The following PCDHA2 variants were observed in gnomAD, a reference collection of about 807,000 sequenced individuals.
PCDHA2 encodes the protein protocadherin alpha-2.
PCDHA2 carries 58 observed loss-of-function variants against 66.0 expected under a neutral mutation model. The ratio of observed to expected loss-of-function variants is 0.88; its 90% confidence interval spans 0.71 to 1.09. The LOEUF (loss-of-function observed/expected upper bound fraction) is 1.09, where lower values mean the gene tolerates loss of function less well. Ranked by LOEUF, PCDHA2 falls within the 50% of genes least tolerant of loss-of-function variation. The pLI, the probability that PCDHA2 is intolerant of heterozygous loss-of-function variation, is 0.00. For synonymous variants in PCDHA2, 634 were observed against 554.0 expected, an observed-to-expected ratio of 1.14 and a Z score of -2.03; for missense variants, 1,267 against 1,242.3, an observed-to-expected ratio of 1.02 and a Z score of -0.30.
intron 1 of PCDHA2, chr5:140,851,460 T>A (rs1270613439): frequency 1.0e-5 from 9 of 901,620 alleles, no homozygotes; most frequent in Non-Finnish European, 1.2e-5. Flanking sequence ...GGAATCAAAT[T>A]ATGTCAATAA....
chr5:140,914,801 A>G (rs976508278), intron 1 of PCDHA2, among the ~76,000 whole-genome samples: 2 of 152,164 alleles, frequency 1.3e-5, no homozygotes, highest in African/African-American at 4.8e-5. Context: ...TTTTAAACTG[A>G]TGGCAACTTA....
At chr5:140,959,712 T>G (rs166567) in intron 1 of PCDHA2, among the ~76,000 whole-genome samples, 1 of 152,020 alleles carries the variant, frequency 6.6e-6, no homozygotes, top group African/African-American at 2.4e-5. Flanking sequence ...AAAGGGAAAA[T>G]TTTTAGATAA....
At chr5:140,992,533 C>T (rs1292844643) in intron 3 of PCDHA2, among the ~76,000 whole-genome samples, 1 of 152,188 alleles carries the variant, frequency 6.6e-6, no homozygotes, top group Non-Finnish European at 1.5e-5. Context: ...GGAAAAGTCA[C>T]TGTCACAAGT....
At chr5:140,882,749 G>C (rs1393099675) in intron 1 of PCDHA2, 1 of 1,614,126 alleles carries the variant, frequency 6.2e-7, no homozygotes, top group Non-Finnish European at 8.5e-7. Flanking sequence ...ATCCGATGCA[G>C]ATATTGGAGT....
intron 3 of PCDHA2, among the ~76,000 whole-genome samples, chr5:140,987,520 G>T (rs1221115195): frequency 2.0e-5 from 3 of 152,106 alleles, no homozygotes; most frequent in Non-Finnish European, 4.4e-5. Context: ...CTCAGTAATT[G>T]TATGTTCCTG....
intron 1 of PCDHA2, chr5:140,870,462 G>A (rs181856615): frequency 6.4e-4 from 1,040 of 1,614,196 alleles, no homozygotes; most frequent in Non-Finnish European, 8.0e-4. Flanking sequence ...ATGCGCCTGC[G>A]TTCGCACAGC....
rs2150272334 is a variant in PCDHA2 at position 140,837,015 on chromosome 5, T to C, written c.2388+39663T>C. On this transcript the variant is annotated intron_variant, in intron 1 of 3. Coordinates refer to ENST00000526136, the MANE Select transcript of PCDHA2 (RefSeq NM_018905.3). ...GCTAACTGGAGCAATGGATTCACCT[T>C]TCTTCTATAGTGTATTTACAAAATC... The C allele has an allele frequency of 2.4e-4, 72 of 298,058 alleles. 1 individual carries two copies. In the East Asian group the frequency reaches 3.4e-3, roughly 14 times the overall value. The allele number at this position is 298,058 out of a possible 1,614,324, so 18.5% of individuals were successfully genotyped here.
At chr5:140,841,762 G>A in intron 1 of PCDHA2, 1 of 1,613,914 alleles carries the variant, frequency 6.2e-7, no homozygotes, top group Non-Finnish European at 8.5e-7. Context: ...AATCCAGAAT[G>A]CCAGACTCTC....
intron 1 of PCDHA2, chr5:140,849,764 G>C (rs2041112931): frequency 6.3e-6 from 10 of 1,598,402 alleles, no homozygotes; most frequent in Non-Finnish European, 8.6e-6. Context: ...CCTACGAGCT[G>C]GTGGTTACCG....
intron 1 of PCDHA2, chr5:140,862,894 T>A (rs251369): frequency 0.66 from 367,469 of 559,470 alleles, 121,120 homozygotes; most frequent in Middle Eastern, 0.71. Flanking sequence ...AACGACAACT[T>A]TGTCTGCGCT....
At chr5:140,855,751 T>G in intron 1 of PCDHA2, 1 of 328,292 alleles carries the variant, frequency 3.0e-6, no homozygotes, top group Non-Finnish European at 5.6e-6. Flanking sequence ...ATGTGAGGCT[T>G]TGAAAGTCCA....
chr5:140,851,018 A>G (rs1389465492), intron 1 of PCDHA2: 4 of 1,432,904 alleles, frequency 2.8e-6, no homozygotes, highest in South Asian at 1.7e-5. Context: ...TTTTTCTGAT[A>G]AAGTAAACCC....
chr5:140,870,221 T>C (rs1554163925), intron 1 of PCDHA2: 2 of 1,614,012 alleles, frequency 1.2e-6, no homozygotes, highest in Admixed American at 3.3e-5. Context: ...CTGATCAGCG[T>C]GTCTGACCGT....
At chr5:140,883,621 C>T (rs368758287) in intron 1 of PCDHA2, 80 of 1,613,850 alleles carry the variant, frequency 5.0e-5, no homozygotes, top group Non-Finnish European at 6.4e-5. Flanking sequence ...TGAACGACAA[C>T]GCGCCGGCGT....
intron 1 of PCDHA2, chr5:140,842,493 C>G (rs1554139100): frequency 6.2e-7 from 1 of 1,613,738 alleles, no homozygotes; most frequent in African/African-American, 1.3e-5. Context: ...TCCCTGATGC[C>G]CCATGTCCCC....
chr5:140,924,909 AATAAAAT>A (rs1563069072), intron 1 of PCDHA2, among the ~76,000 whole-genome samples: 5 of 66,374 alleles, frequency 7.5e-5, no homozygotes, highest in African/African-American at 2.5e-4. Context: ...AAAAAAATAA[AATAAAAT>A]AAAATAAAAT....
chr5:140,970,096 T>C (rs2096383552), intron 1 of PCDHA2, among the ~76,000 whole-genome samples: 1 of 152,066 alleles, frequency 6.6e-6, no homozygotes, highest in South Asian at 2.1e-4. Flanking sequence ...GGGGGGATGG[T>C]GAAGACCAAG....
At chr5:140,965,973 G>A (rs1234636252) in intron 1 of PCDHA2, among the ~76,000 whole-genome samples, 6 of 152,194 alleles carry the variant, frequency 3.9e-5, no homozygotes, top group African/African-American at 1.4e-4. Flanking sequence ...TGCCCTAGGA[G>A]TTGAGCACTT....
intron 1 of PCDHA2, among the ~76,000 whole-genome samples, chr5:140,937,306 G>A (rs994842470): frequency 4.3e-4 from 66 of 152,048 alleles, no homozygotes; most frequent in African/African-American, 1.6e-3. Flanking sequence ...CAAAGTGCTG[G>A]GATTACAGGC....
Sources: gnomAD v4.1 joint callset for allele counts (sites outside exome capture counted in the v4.1 genomes callset) on GRCh38, gnomAD v4.1.1 for gene constraint, MANE v1.5 for transcripts, NCBI Gene and HGNC (gene_info 2026-07-23, HGNC 2026-07-21) for gene names.